The following TLK1 variants were observed in gnomAD, a reference collection of about 807,000 sequenced individuals.
The protein encoded by TLK1 is tousled like kinase 1.
A neutral mutation model predicts 105.3 loss-of-function variants in TLK1; 24 were observed. The ratio of observed to expected loss-of-function variants is 0.23; its 90% CI spans 0.17 to 0.32. The LOEUF (loss-of-function observed/expected upper bound fraction) is 0.32. Among genes scored for constraint, TLK1 ranks in the 10% least tolerant of loss-of-function variants. The pLI is 1.00. For missense variants in TLK1, 558 were observed against 910.5 expected (o/e 0.61, Z 4.98); for synonymous variants, 321 against 310.4 (o/e 1.03, Z -0.36).
At chr2:171,162,988 C>T (rs1352480851), upstream of TLK1, among the ~76,000 whole-genome samples, 1 of 152,160 alleles carries the variant, frequency 6.6e-6, no homozygotes, top group East Asian at 1.9e-4. Flanking sequence ...GATGGGGTTT[C>T]ACCATGTTGG....
chr2:171,191,657 T>C (rs1266298685), intron 1 of TLK1, among the ~76,000 whole-genome samples: 1 of 152,136 alleles, frequency 6.6e-6, no homozygotes, highest in Non-Finnish European at 1.5e-5. Flanking sequence ...CAAAGGGAAA[T>C]TGAGTTTTAA....
intron 1 of TLK1, among the ~76,000 whole-genome samples, chr2:171,122,531 G>T (rs1690694950): frequency 6.6e-6 from 1 of 152,052 alleles, no homozygotes; most frequent in South Asian, 2.1e-4. Flanking sequence ...AAGTACTTCT[G>T]TAGAACACAG....
At position 171,053,781 on chromosome 2, in the gene TLK1, G is replaced by A; in HGVS notation, c.712C>T (p.Arg238Cys). Reference sequence around the variant, plus strand: ...CTTACCCTGAGCAAATCATCTATACGTCCCTCCTTCTTTTCCAGGTCCTGG... The same window carrying A: ...CTTACCCTGAGCAAATCATCTATACATCCCTCCTTCTTTTCCAGGTCCTGG... Reference protein sequence around the residue: ...KIQDLEKKEGRIDDLLRANCD... With the variant: ...KIQDLEKKEGCIDDLLRANCD... Residue 238 changes from arginine to cysteine, a missense_variant, in exon 8 of 21, where the codon CGT becomes TGT. By Grantham distance (180) the Arg-to-Cys change is radical. Coordinates refer to ENST00000431350, the MANE Select transcript of TLK1 (RefSeq NM_012290.5). 6.2e-7 allele frequency: 1 copy of A among 1,607,930 alleles called. No homozygotes were observed. The highest frequency in any genetic ancestry group is 8.5e-7 in the Non-Finnish European group (1 of 1,177,106).
intron 1 of TLK1, among the ~76,000 whole-genome samples, chr2:171,210,956 GC>G (rs1378906396): frequency 2.0e-5 from 3 of 152,208 alleles, no homozygotes; most frequent in Non-Finnish European, 4.4e-5. Flanking sequence ...GGTATATACA[GC>G]CGGATGTGCC....
At chr2:171,116,707 A>C (rs1026238649) in intron 2 of TLK1, among the ~76,000 whole-genome samples, 16 of 152,144 alleles carry the variant, frequency 1.1e-4, no homozygotes, top group Non-Finnish European at 2.1e-4. Flanking sequence ...CAAAAAAAAA[A>C]AAAAAAGAAG....
chr2:171,101,361 A>AAAAAAAAAAAC (rs1689684169), intron 2 of TLK1, among the ~76,000 whole-genome samples: 1 of 151,076 alleles, frequency 6.6e-6, no homozygotes, highest in African/African-American at 2.4e-5. Flanking sequence ...AAAAAAAAAA[A>AAAAAAAAAAAC]AAAAGCCAGG....
intron 6 of TLK1, 33 bp downstream of exon 6, chr2:171,056,438 G>A: frequency 1.3e-5 from 21 of 1,579,756 alleles, no homozygotes; most frequent in Non-Finnish European, 1.8e-5. Flanking sequence ...CCCTCCCAAA[G>A]ACTACACATG....
chr2:171,160,624 G>T lies in TLK1; in HGVS notation c.-196C>A. ...GAGGAAAGAGGTGAGGGAAGGAGAG[G>T]GGACAGGGAGGAGGGAAAGGGGGAG... On this transcript the variant is annotated 5_prime_UTR_variant, in exon 1 of 21. Coordinates refer to ENST00000431350, the MANE Select transcript of TLK1 (RefSeq NM_012290.5). This position sits in a 1 kb window ranked among gnomAD's most constrained non-coding sequence, Gnocchi z 4.4. The T allele has an allele frequency of 1.3e-6, 1 of 790,540 alleles. No individual in the cohort carries two copies. The highest frequency in any genetic ancestry group is 3.3e-5 in the East Asian group (1 of 30,748). 49.0% of individuals were successfully genotyped at this position (790,540 alleles called of 1,614,324 possible). A position where few individuals can be genotyped will look rare whatever the true frequency, so the allele number is the denominator to read the frequency against.
intron 1 of TLK1, among the ~76,000 whole-genome samples, chr2:171,190,826 G>C (rs1029629583): frequency 4.3e-4 from 65 of 152,188 alleles, no homozygotes; most frequent in African/African-American, 1.5e-3. Flanking sequence ...CTAATTTATT[G>C]TGATTTCTTT....
intron 2 of TLK1, among the ~76,000 whole-genome samples, chr2:171,094,971 T>C (rs1689392187): frequency 6.6e-6 from 1 of 152,112 alleles, no homozygotes; most frequent in Non-Finnish European, 1.5e-5. Flanking sequence ...ATGACTGCCA[T>C]AAAGATTTGT....
chr2:170,996,487 G>A (rs1483873379), intron 20 of TLK1, among the ~76,000 whole-genome samples, 166 bp downstream of exon 20: 1 of 152,126 alleles, frequency 6.6e-6, no homozygotes, highest in African/African-American at 2.4e-5. Context: ...GCAACCAGAG[G>A]CTGATGCAAC....
At chr2:171,226,857 A>T (rs1693906369) in intron 1 of TLK1, among the ~76,000 whole-genome samples, 1 of 152,190 alleles carries the variant, frequency 6.6e-6, no homozygotes, top group South Asian at 2.1e-4. Context: ...ATTTATTTGC[A>T]GCTTCTGATA....
At chr2:171,098,612 A>G (rs1218534089) in intron 2 of TLK1, among the ~76,000 whole-genome samples, 1 of 152,222 alleles carries the variant, frequency 6.6e-6, no homozygotes, top group African/African-American at 2.4e-5. Context: ...AGGAACACTT[A>G]CCAACTCATT....
chr2:170,994,225 GAAATT>G (rs1559329071), intron 20 of TLK1, among the ~76,000 whole-genome samples: 2 of 152,150 alleles, frequency 1.3e-5, no homozygotes, highest in African/African-American at 2.4e-5. Context: ...TTCTGCTTAC[GAAATT>G]CTGAAGACTT....
intron 1 of TLK1, among the ~76,000 whole-genome samples, chr2:171,121,081 G>A (rs1034382220): frequency 2.0e-5 from 3 of 152,138 alleles, no homozygotes; most frequent in Non-Finnish European, 4.4e-5. Flanking sequence ...TGGAATGGGA[G>A]GTTAGTATTT....
intron 11 of TLK1, among the ~76,000 whole-genome samples, chr2:171,041,507 A>G (rs1014196485): frequency 1.3e-5 from 2 of 152,174 alleles, no homozygotes; most frequent in African/African-American, 4.8e-5. Flanking sequence ...AGCAGGCATT[A>G]CCACCTGAAC....
chr2:171,078,982 C>G (rs1311475259), intron 3 of TLK1, among the ~76,000 whole-genome samples: 6 of 152,174 alleles, frequency 3.9e-5, no homozygotes, highest in Non-Finnish European at 4.4e-5. Flanking sequence ...ATACAAGGGT[C>G]TTCAAACCTG....
At chr2:171,055,450 A>G (rs1357736965) in intron 6 of TLK1, among the ~76,000 whole-genome samples, 1 of 151,936 alleles carries the variant, frequency 6.6e-6, no homozygotes, top group African/African-American at 2.4e-5. Flanking sequence ...AGAAATCTTA[A>G]TGCTTTCATA....
At chr2:171,046,745 T>C (rs1353170200) in intron 10 of TLK1, among the ~76,000 whole-genome samples, 2 of 152,288 alleles carry the variant, frequency 1.3e-5, no homozygotes, top group East Asian at 3.9e-4. Context: ...GTTGTATCCC[T>C]AGTACCTAGT....
Sources: gnomAD v4.1 joint callset for allele counts (sites outside exome capture counted in the v4.1 genomes callset) on GRCh38, gnomAD v4.1.1 for gene constraint, Gnocchi (gnomAD v3.1) non-coding constraint, MANE v1.5 for transcripts, NCBI Gene and HGNC (gene_info 2026-07-23, HGNC 2026-07-21) for gene names.